The following TRMT2A variants were observed in gnomAD, a reference collection of about 807,000 sequenced individuals.
The protein encoded by TRMT2A is tRNA (uracil-5-)-methyltransferase homolog A.
A neutral mutation model predicts 59.3 loss-of-function variants in TRMT2A; 60 were observed. The observed-to-expected ratio is 1.01, with a 90% CI of 0.82 to 1.26. The LOEUF is 1.26. Among genes scored for constraint, TRMT2A ranks in the 50% most tolerant of loss-of-function variants. TRMT2A has a pLI of 0.00. For missense variants in TRMT2A, 863 were observed against 845.2 expected (o/e 1.02, Z -0.26); for synonymous variants, 403 against 353.7 (o/e 1.14, Z -1.56).
chr22:20,115,401 T>C lies in TRMT2A; in HGVS notation c.755A>G (p.Asp252Gly). The stretch of plus-strand genomic sequence containing the variant: ...ACAGCCCACGGTGTTATCCTCCCCA[T>C]CCACCCCGACGCCAACCAGAAACTC... ...KCEFLVGVGV[D>G]GEDNTVGCRL... Residue 252 changes from aspartate to glycine, a missense_variant, in exon 4 of 12, where the codon GAT (aspartate) becomes GGT (glycine). Transcript: ENST00000252136. The C allele has an allele frequency of 6.2e-7, 1 of 1,612,336 alleles. No homozygotes were observed. Among genetic ancestry groups the C allele is most frequent in the Non-Finnish European group, 8.5e-7 (1 of 1,179,800 alleles).
intron 7 of TRMT2A, 88 bp from the exon 8 acceptor site, chr22:20,113,896 C>A: frequency 7.0e-7 from 1 of 1,436,262 alleles, no homozygotes; most frequent in Non-Finnish European, 9.1e-7. Context: ...GTCCCTCCAT[C>A]CTGCCGGGAC....
chr22:20,113,405 A>AC, intron 9 of TRMT2A, 27 bp downstream of exon 9: 6 of 597,488 alleles, frequency 1.0e-5, no homozygotes, highest in Non-Finnish European at 1.0e-5. Flanking sequence ...CCCCATCCCC[A>AC]CCCCCACCCA....
Position 20,113,355 on chromosome 22 carries a change from C to T in TRMT2A, c.1432+77G>A. ...TCTACCTGTCGGGCAGCCCCCAAGC[C>T]CTGGCTGTGGCTGAGGCTTGCAGCA... is the stretch of plus-strand genomic sequence containing the variant. On this transcript the variant is annotated intron_variant, in intron 9 of 11. Transcript: ENST00000252136. 3 of 1,551,136 alleles carry T rather than the reference C, an allele frequency of 1.9e-6. No homozygotes were observed. In the South Asian group the frequency reaches 3.6e-5, roughly 19 times the overall value.
chr22:20,114,846 TC>T lies in TRMT2A; in HGVS notation c.1035del (p.Lys346ArgfsTer4), dbSNP rs779592160. 8 of 1,603,892 alleles carry T rather than the reference TC, an allele frequency of 5.0e-6. No individual in the cohort carries two copies. Among genetic ancestry groups the T allele is most frequent in the Non-Finnish European group, 6.8e-6 (8 of 1,176,638 alleles). ...GTGAAGTGCTGCGCTAGGGAGGTCT[TC>T]AGCTCTGCCAGCTCCTCAGGGCTCA... ...QKLSPEELAE[L>X]KTSLAQHFTA... On this transcript the variant is annotated frameshift_variant, in exon 6 of 12. Transcript: ENST00000252136. LOFTEE classifies it high-confidence loss of function.
chr22:20,112,942 T>C lies in TRMT2A; in HGVS notation c.1615A>G (p.Asn539Asp). The C allele has an allele frequency of 1.2e-6, 2 of 1,613,676 alleles. No individual in the cohort carries two copies. Among genetic ancestry groups the C allele is most frequent in the East Asian group, 2.2e-5 (1 of 44,874 alleles). The change falls in exon 11 of 12, where the codon AAC becomes GAC. Residue 539 changes from asparagine (N) to aspartate (D), a missense_variant. By Grantham distance (23) the Asn-to-Asp change is conservative. Transcript: ENST00000252136. ...NLRRLLYVSCNPRAAMGNFVD... is the reference protein window; with the variant it reads ...NLRRLLYVSCDPRAAMGNFVD... Reference sequence around the variant, plus strand: ...AAGTTGCCCATGGCTGCCCGGGGGTTGCATGAGACGTACAGCAGCCGCCTG... The same window carrying C: ...AAGTTGCCCATGGCTGCCCGGGGGTCGCATGAGACGTACAGCAGCCGCCTG...
In TRMT2A at chr22:20,112,677, CCT is replaced by C; in HGVS notation, c.1762_1763del (p.Arg588GlyfsTer26). 1.2e-6 allele frequency: 2 copies of C among 1,614,074 alleles called. No individual in the cohort carries two copies. Among genetic ancestry groups the C allele is most frequent in the South Asian group, 1.1e-5 (1 of 91,086 alleles). On this transcript the variant is annotated frameshift_variant, in exon 12 of 12. Transcript: ENST00000252136. LOFTEE classifies it low-confidence loss of function (END_TRUNC). ...CCCCTGTGCCATTGGGGTGCTCCAC[CCT>C]CTCAAACAGGATGAGCATCTCACAG... is the stretch of plus-strand genomic sequence containing the variant. ...PHCEMLILFERVEHPNGTGVL... is the reference protein window; with the variant it reads ...PHCEMLILFEXVEHPNGTGVL...
chr22:20,116,366 G>T lies in TRMT2A; in HGVS notation c.271C>A (p.Arg91Ser). The change falls in exon 2 of 12, where the codon CGC becomes AGC. Residue 91 changes from arginine to serine, a missense_variant. Physicochemically the swap from Arg to Ser is moderately radical, Grantham distance 110. Transcript: ENST00000252136. ...PRHASFSDVRRFLGRFGLQPH... is the reference protein window; with the variant it reads ...PRHASFSDVRSFLGRFGLQPH... Reference sequence around the variant, plus strand: ...TGCAGACCAAAGCGGCCCAGGAAGCGCCGGACGTCGCTGAAGCTGGCGTGG... The same window carrying T: ...TGCAGACCAAAGCGGCCCAGGAAGCTCCGGACGTCGCTGAAGCTGGCGTGG... The T allele has an allele frequency of 6.2e-7, 1 of 1,612,466 alleles. No individual in the cohort carries two copies. Among genetic ancestry groups the T allele is most frequent in the South Asian group, 1.1e-5 (1 of 91,080 alleles).
chr22:20,114,132 G>C (rs945832512), intron 7 of TRMT2A, among the ~76,000 whole-genome samples: 2 of 152,078 alleles, frequency 1.3e-5, no homozygotes, highest in Admixed American at 6.5e-5. Flanking sequence ...ACTCACACCG[G>C]GGCCCCTGGA....
Position 20,116,361 on chromosome 22 carries a change from G to A in TRMT2A, c.276C>T (p.Phe92=). The part of the protein sequence containing the change: ...RHASFSDVRR[F]LGRFGLQPHK... ...GGGGCTGCAGACCAAAGCGGCCCAG[G>A]AAGCGCCGGACGTCGCTGAAGCTGG... Residue 92 remains phenylalanine (F), a synonymous_variant, in exon 2 of 12, where the codon TTC becomes TTT. Coordinates refer to ENST00000252136, the MANE Select transcript of TRMT2A (RefSeq NM_022727.6). 1 of 1,612,846 alleles carries A rather than the reference G, an allele frequency of 6.2e-7. No homozygotes were observed. Among genetic ancestry groups the A allele is most frequent in the South Asian group, 1.1e-5 (1 of 91,088 alleles).
chr22:20,113,436 G>C lies in TRMT2A; in HGVS notation c.1428C>G (p.Asp476Glu), dbSNP rs769919036. 3.5e-6 allele frequency: 5 copies of C among 1,442,204 alleles called. No homozygotes were observed. In the East Asian group the frequency reaches 7.1e-5, roughly 21 times the overall value. The allele number at this position is 1,442,204 out of a possible 1,614,324, so 89.3% of individuals were successfully genotyped here. ...ACCCACGGCCTTGCCACTCACCATT[G>C]TCCTGGGCGTTCACCCGGGCGTCCT... ...AVEDARVNAQ[D>E]NELSNVEFHC... The change falls in exon 9 of 12, where the codon GAC becomes GAG. Residue 476 changes from aspartate (D) to glutamate (E), a missense_variant. Transcript: ENST00000252136.
At chr22:20,113,907 C>G in intron 7 of TRMT2A, 99 bp from the exon 8 acceptor site, 1 of 1,410,952 alleles carries the variant, frequency 7.1e-7, no homozygotes, top group Non-Finnish European at 9.3e-7. Context: ...CTGCCGGGAC[C>G]TCCGGCGCCC....
In TRMT2A at chr22:20,116,582, C is replaced by G; in HGVS notation, c.55G>C (p.Glu19Gln). ...GPKPMESCGQ[E>Q]SSSALSCPTV... ...GGGCAGCTCAGGGCACTGCTGCTCTCCTGGCCACAGCTCTCCATGGGCTTC... is the reference window on the plus strand; with the variant it reads ...GGGCAGCTCAGGGCACTGCTGCTCTGCTGGCCACAGCTCTCCATGGGCTTC... The change falls in exon 2 of 12, where the codon GAG (glutamate) becomes CAG (glutamine). Residue 19 changes from glutamate (E) to glutamine (Q), a missense_variant. Coordinates refer to ENST00000252136, the MANE Select transcript of TRMT2A (RefSeq NM_022727.6). 1 of 1,562,918 alleles carries G rather than the reference C, an allele frequency of 6.4e-7. No homozygotes were observed. The highest frequency in any genetic ancestry group is 1.4e-5 in the African/African-American group (1 of 73,084).
Position 20,116,949 on chromosome 22 carries a change from C to T in TRMT2A, c.-43G>A. The T allele has an allele frequency of 4.5e-6, 7 of 1,572,804 alleles. No homozygotes were observed. The highest frequency in any genetic ancestry group is 3.6e-5 in the Admixed American group (2 of 55,238). On this transcript the variant is annotated 5_prime_UTR_variant, in exon 1 of 12. Coordinates refer to ENST00000252136, the MANE Select transcript of TRMT2A (RefSeq NM_022727.6). ...GCCTAGACCAGGGACGCCATGGGGGCCGCCTGGCCACCTCGTCCTGGGCCT... is the reference window on the plus strand; with the variant it reads ...GCCTAGACCAGGGACGCCATGGGGGTCGCCTGGCCACCTCGTCCTGGGCCT...
Position 20,115,092 on chromosome 22 carries a change from C to A in TRMT2A, c.891-13G>T, listed in dbSNP as rs374181985. 6.3e-7 allele frequency: 1 copy of A among 1,581,582 alleles called. No individual in the cohort carries two copies. Among genetic ancestry groups the A allele is most frequent in the East Asian group, 2.3e-5 (1 of 43,904 alleles). On this transcript the variant is annotated splice_polypyrimidine_tract_variant and intron_variant, in intron 4 of 11. Transcript: ENST00000252136. ...GTATGGAGTGGACCTGTGGGAATCA[C>A]GAGCTGGCCCAAGTGCCCACAACTG...
In TRMT2A at chr22:20,113,154, G is replaced by C. The variant is rs2049899400; in HGVS notation, c.1513C>G (p.Leu505Val). Residue 505 changes from leucine to valine, a missense_variant, in exon 10 of 12, where the codon CTC becomes GTC. Physicochemically the swap from Leu to Val is conservative, Grantham distance 32. Coordinates refer to ENST00000252136, the MANE Select transcript of TRMT2A (RefSeq NM_022727.6). ...CGGGGTGGGTCCAGGATGGCCACGA[G>C]GTGCTGGGAGGCCAGTCTGCTCACC... ...TLVSRLASQH[L>V]VAILDPPRAG... is the part of the protein sequence containing the mutation. The C allele has an allele frequency of 6.3e-7, 1 of 1,599,030 alleles. No individual in the cohort carries two copies. The highest frequency in any genetic ancestry group is 8.5e-7 in the Non-Finnish European group (1 of 1,171,696).
intron 9 of TRMT2A, 75 bp downstream of exon 9, chr22:20,113,357 T>C: frequency 6.5e-7 from 1 of 1,549,886 alleles, no homozygotes; most frequent in Non-Finnish European, 8.8e-7. Flanking sequence ...CCCCAAGCCC[T>C]GGCTGTGGCT....
At chr22:20,113,400 T>TGCCCCCCCCCCCCCCCCCCCCTGG in intron 9 of TRMT2A, 32 bp downstream of exon 9, 1 of 1,049,434 alleles carries the variant, frequency 9.5e-7, no homozygotes, top group Non-Finnish European at 1.4e-6. Flanking sequence ...GCTGCCCCCA[T>TGCCCCCCCCCCCCCCCCCCCCTGG]CCCCACCCCC....
chr22:20,116,552 C>A lies in TRMT2A; in HGVS notation c.85G>T (p.Val29Phe), dbSNP rs762579927. ...GCCGGGGCTGCAGGGGGCACCGAGA[C>A]GGTAGGGCAGCTCAGGGCACTGCTG... ...ESSSALSCPTVSVPPAAPAAL... is the reference protein window; with the variant it reads ...ESSSALSCPTFSVPPAAPAAL... The change falls in exon 2 of 12, where the codon GTC becomes TTC. Residue 29 changes from valine (V) to phenylalanine (F), a missense_variant. Physicochemically the swap from Val to Phe is conservative, Grantham distance 50 (BLOSUM62 -1). Coordinates refer to ENST00000252136, the MANE Select transcript of TRMT2A (RefSeq NM_022727.6). The A allele has an allele frequency of 5.0e-6, 8 of 1,593,690 alleles. No individual in the cohort carries two copies. The highest frequency in any genetic ancestry group is 6.8e-6 in the Non-Finnish European group (8 of 1,173,326).
Position 20,112,306 on chromosome 22 carries a change from T to G in TRMT2A, c.*257A>C. ...CTCTCATCACAGAAACACCCTTTGTTGAGCAGTTGTTTATTCTGGCCCTCA... is the reference window on the plus strand; with the variant it reads ...CTCTCATCACAGAAACACCCTTTGTGGAGCAGTTGTTTATTCTGGCCCTCA... On this transcript the variant is annotated 3_prime_UTR_variant, in exon 12 of 12. Coordinates refer to ENST00000252136, the MANE Select transcript of TRMT2A (RefSeq NM_022727.6). 1 of 536,170 alleles carries G rather than the reference T, an allele frequency of 1.9e-6. No homozygotes were observed. The highest frequency in any genetic ancestry group is 3.3e-6 in the Non-Finnish European group (1 of 303,290). 33.2% of individuals were successfully genotyped at this position (536,170 alleles called of 1,614,324 possible).
Sources: gnomAD v4.1 joint callset for allele counts (sites outside exome capture counted in the v4.1 genomes callset) on GRCh38, gnomAD v4.1.1 for gene constraint, MANE v1.5 for transcripts, NCBI Gene and HGNC (gene_info 2026-07-23, HGNC 2026-07-21) for gene names.